The following ARHGEF26 variants were observed in gnomAD, a reference collection of about 807,000 sequenced individuals.
The protein encoded by ARHGEF26 is Rho guanine nucleotide exchange factor (GEF) 26.
ARHGEF26 carries 59 observed loss-of-function variants against 89.4 expected under a neutral mutation model. The observed-to-expected ratio is 0.66, with a 90% CI of 0.54 to 0.82. The LOEUF is 0.82. Among genes scored for constraint, ARHGEF26 ranks in the 40% least tolerant of loss-of-function variants. ARHGEF26 has a pLI of 0.00. For synonymous variants in ARHGEF26, 500 were observed against 428.4 expected (o/e 1.17, Z -2.06); for missense variants, 1,234 against 1,085.6 (o/e 1.14, Z -1.92).
At chr3:154,149,281 T>C (rs932817101) in intron 4 of ARHGEF26, 108 bp from the exon 5 acceptor site, 12 of 679,524 alleles carry the variant, frequency 1.8e-5, no homozygotes, top group Admixed American at 1.7e-4. Context: ...TTTTGTATAG[T>C]TTCTCCTAAT....
intron 4 of ARHGEF26, among the ~76,000 whole-genome samples, chr3:154,141,343 G>A (rs879524864): frequency 1.3e-5 from 2 of 152,294 alleles, no homozygotes; most frequent in African/African-American, 4.8e-5. Flanking sequence ...TTAGTTCCTT[G>A]AGAAAGAGAA....
At chr3:154,166,072 C>T (rs1053738159) in intron 6 of ARHGEF26, among the ~76,000 whole-genome samples, 1 of 152,042 alleles carries the variant, frequency 6.6e-6, no homozygotes, top group East Asian at 1.9e-4. Context: ...GACAGAGTCT[C>T]GCTCTATTGC....
At chr3:154,132,017 A>T (rs1718707928) in intron 4 of ARHGEF26, among the ~76,000 whole-genome samples, 1 of 152,168 alleles carries the variant, frequency 6.6e-6, no homozygotes, top group Non-Finnish European at 1.5e-5. Context: ...AGTGTATGTT[A>T]TCTTGGAGTT....
At position 154,122,428 on chromosome 3, in the gene ARHGEF26, C is replaced by T; in HGVS notation, c.436C>T (p.Pro146Ser). ...PAPPPPPVLR[P>S]PRTPNAPAPC... is the part of the protein sequence containing the mutation. ...GCCGCCGCCGCCGCCGGTTCTGCGC[C>T]CCCCGCGGACTCCTAACGCGCCCGC... is the stretch of plus-strand genomic sequence containing the variant. Residue 146 changes from proline (P) to serine (S), a missense_variant, in exon 2 of 15, where the codon CCC becomes TCC. Coordinates refer to ENST00000465093, the MANE Select transcript of ARHGEF26 (RefSeq NM_015595.4). 2 of 1,611,212 alleles carry T rather than the reference C, an allele frequency of 1.2e-6. No homozygotes were observed. The highest frequency in any genetic ancestry group is 1.1e-5 in the South Asian group (1 of 90,996).
chr3:154,179,281 G>GTTCA (rs1052139706), intron 6 of ARHGEF26, among the ~76,000 whole-genome samples: 1 of 152,216 alleles, frequency 6.6e-6, no homozygotes, highest in Non-Finnish European at 1.5e-5. Flanking sequence ...AAACCATGAA[G>GTTCA]TTCACCAACA....
In ARHGEF26 at chr3:154,247,476, G is replaced by A. The variant is rs762159462; in HGVS notation, c.2301-5640G>A. 2.6e-5 allele frequency among the ~76,000 whole-genome samples: 4 copies of A among 152,092 alleles called. No individual in the cohort carries two copies. The East Asian group carries it at 7.7e-4, about 29-fold the overall frequency. On this transcript the variant is annotated intron_variant, in intron 12 of 14. Coordinates refer to ENST00000465093, the MANE Select transcript of ARHGEF26 (RefSeq NM_015595.4). Reference sequence around the variant, plus strand: ...TTTGAACTACCCCAATGGCCTCCTAGCCATTCTCCTCTCCCATCAATACAG... The same window carrying A: ...TTTGAACTACCCCAATGGCCTCCTAACCATTCTCCTCTCCCATCAATACAG...
Position 154,187,832 on chromosome 3 carries a change from ATTG to A in ARHGEF26, c.1640_1640+2del. 1 of 1,608,560 alleles carries A rather than the reference ATTG, an allele frequency of 6.2e-7. No individual in the cohort carries two copies. Among genetic ancestry groups the A allele is most frequent in the African/African-American group, 1.3e-5 (1 of 74,982 alleles). Reference sequence around the variant, plus strand: ...TCTACCAACAACGAACACTACAAAAATTGTTGTAAGCAATGTCGAATGCTACAG... The same window carrying A: ...TCTACCAACAACGAACACTACAAAAATTGTAAGCAATGTCGAATGCTACAG... On this transcript the variant is annotated inframe_deletion and splice_region_variant, in exon 7 of 15. Transcript: ENST00000465093.
chr3:154,148,275 G>C (rs972579698), intron 4 of ARHGEF26, among the ~76,000 whole-genome samples: 1 of 152,144 alleles, frequency 6.6e-6, no homozygotes, highest in Non-Finnish European at 1.5e-5. Flanking sequence ...ATACAAGAAG[G>C]CTTCCCGGAA....
At chr3:154,133,056 T>C (rs1432107924) in intron 4 of ARHGEF26, among the ~76,000 whole-genome samples, 1 of 151,986 alleles carries the variant, frequency 6.6e-6, no homozygotes, top group Non-Finnish European at 1.5e-5. Flanking sequence ...TTATTGCAAA[T>C]GCCTGCCTCC....
intron 9 of ARHGEF26, among the ~76,000 whole-genome samples, chr3:154,208,763 ATTTTTTTTTTTT>A (rs35181733): frequency 1.9e-5 from 2 of 107,382 alleles, no homozygotes; most frequent in Non-Finnish European, 3.7e-5. Flanking sequence ...TGCCAATTGC[ATTTTTTTTTTTT>A]TTTTTTTTGA....
At chr3:154,209,733 G>T (rs1276567384) in intron 9 of ARHGEF26, among the ~76,000 whole-genome samples, 1 of 152,120 alleles carries the variant, frequency 6.6e-6, no homozygotes, top group Non-Finnish European at 1.5e-5. Context: ...CTCGCTCAAG[G>T]TCTGCTCTAA....
rs113977382 is a variant in ARHGEF26, at chr3:154,142,119, G to A, written c.1270-7270G>A. Among the ~76,000 whole-genome samples, 444 of 152,256 alleles carry A rather than the reference G, an allele frequency of 2.9e-3. 2 individuals are homozygous for A. Among genetic ancestry groups the A allele is most frequent in the African/African-American group, 0.01 (424 of 41,558 alleles). On this transcript the variant is annotated intron_variant, in intron 4 of 14. Coordinates refer to ENST00000465093, the MANE Select transcript of ARHGEF26 (RefSeq NM_015595.4). ...AAGCAGTGAAGTGAAGATGAGGAAA[G>A]TTTTGTCTATAGGATGTAACTTAAA...
At chr3:154,128,280 C>T (rs1467064420) in intron 3 of ARHGEF26, among the ~76,000 whole-genome samples, 1 of 152,096 alleles carries the variant, frequency 6.6e-6, no homozygotes, top group Non-Finnish European at 1.5e-5. Flanking sequence ...AGATGGGGTC[C>T]AGTCTGGAGT....
chr3:154,152,722 G>T, intron 5 of ARHGEF26, 50 bp from the exon 6 acceptor site: 1 of 1,327,814 alleles, frequency 7.5e-7, no homozygotes, highest in Non-Finnish European at 9.9e-7. Flanking sequence ...GCTATATTTA[G>T]TTCTTTAATT....
At chr3:154,135,880 A>C (rs6786617) in intron 4 of ARHGEF26, among the ~76,000 whole-genome samples, 35,053 of 152,088 alleles carry the variant, frequency 0.23, 5,399 homozygotes, top group East Asian at 0.47. Context: ...CCTCTCCAAG[A>C]TCATGTACTA....
chr3:154,170,977 A>G (rs1382997908), intron 6 of ARHGEF26, among the ~76,000 whole-genome samples: 1 of 152,218 alleles, frequency 6.6e-6, no homozygotes, highest in Non-Finnish European at 1.5e-5. Context: ...AAGTAAGTTG[A>G]AAAACTCCCT....
Position 154,122,422 on chromosome 3 carries a change from C to T in ARHGEF26, c.430C>T (p.Leu144=). 2 of 1,611,150 alleles carry T rather than the reference C, an allele frequency of 1.2e-6. No individual in the cohort carries two copies. Among genetic ancestry groups the T allele is most frequent in the Non-Finnish European group, 8.5e-7 (1 of 1,179,036 alleles). The part of the protein sequence containing the change: ...TLPAPPPPPV[L]RPPRTPNAPA... ...GCCTGCGCCGCCGCCGCCGCCGGTTCTGCGCCCCCCGCGGACTCCTAACGC... is the reference window on the plus strand; with the variant it reads ...GCCTGCGCCGCCGCCGCCGCCGGTTTTGCGCCCCCCGCGGACTCCTAACGC... The change falls in exon 2 of 15, where the codon CTG becomes TTG. Residue 144 remains leucine (L), a synonymous_variant. Transcript: ENST00000465093.
At chr3:154,187,963 G>A in intron 7 of ARHGEF26, 126 bp downstream of exon 7, 4 of 969,474 alleles carry the variant, frequency 4.1e-6, no homozygotes, top group Non-Finnish European at 5.8e-6. Context: ...TTTCCCAGAG[G>A]AGAAATGTTT....
At chr3:154,230,315 A>C (rs1246320141) in intron 11 of ARHGEF26, among the ~76,000 whole-genome samples, 1 of 152,226 alleles carries the variant, frequency 6.6e-6, no homozygotes. Flanking sequence ...TGAGGAAAAG[A>C]GAGATAAAAT....
Sources: allele counts gnomAD v4.1 joint callset (sites outside exome capture counted in the v4.1 genomes callset), GRCh38; gene constraint gnomAD v4.1.1; transcripts MANE v1.5; gene names NCBI Gene and HGNC (gene_info 2026-07-23, HGNC 2026-07-21).